Variants in NT5C2 observed in about 807,000 individuals in gnomAD.
NT5C2 encodes 5'-nucleotidase, cytosolic II.
Under a neutral mutation model 76.1 loss-of-function variants are expected in NT5C2, and 58 were observed. The observed-to-expected ratio is 0.76, with a 90% CI of 0.62 to 0.95. The LOEUF (loss-of-function observed/expected upper bound fraction) is 0.95, where lower values mean the gene tolerates loss of function less well. Among genes scored for constraint, NT5C2 ranks in the 40% least tolerant of loss-of-function variants. The pLI, the probability that NT5C2 is intolerant of heterozygous loss-of-function variation, is 0.00. For synonymous variants in NT5C2, 229 were observed against 237.4 expected, an observed-to-expected ratio of 0.96 and a Z score of 0.32; for missense variants, 478 against 690.3, an observed-to-expected ratio of 0.69 and a Z score of 3.45.
At chr10:103,106,323 C>A (rs1346430181) in intron 5 of NT5C2, among the ~76,000 whole-genome samples, 1 of 152,134 alleles carries the variant, frequency 6.6e-6, no homozygotes, top group Non-Finnish European at 1.5e-5. Context: ...TACTGCCCAT[C>A]AGTTTTAGTA....
intron 3 of NT5C2, among the ~76,000 whole-genome samples, chr10:103,168,226 A>T (rs1308612667): frequency 6.6e-6 from 1 of 152,202 alleles, no homozygotes; most frequent in Non-Finnish European, 1.5e-5. Context: ...TTAACAAAAA[A>T]TTCACAAGCC....
At chr10:103,191,171 C>A (rs1019928825) in intron 1 of NT5C2, among the ~76,000 whole-genome samples, 2 of 151,964 alleles carry the variant, frequency 1.3e-5, no homozygotes, top group African/African-American at 4.8e-5. Flanking sequence ...GCGGGCAGAT[C>A]ACCTGAGGTC....
At chr10:103,136,262 T>G (rs2079209137) in intron 4 of NT5C2, among the ~76,000 whole-genome samples, 2 of 152,216 alleles carry the variant, frequency 1.3e-5, no homozygotes, top group African/African-American at 4.8e-5. Flanking sequence ...CATGCTTAGG[T>G]TTGAATCTTG....
chr10:103,111,743 A>G, intron 4 of NT5C2: 1 of 1,231,948 alleles, frequency 8.1e-7, no homozygotes, highest in Non-Finnish European at 1.0e-6. Flanking sequence ...ATGAGAACTC[A>G]CATGAGGCAG....
intron 3 of NT5C2, among the ~76,000 whole-genome samples, chr10:103,163,897 C>T (rs1300280827): frequency 6.7e-6 from 1 of 148,550 alleles, no homozygotes; most frequent in Non-Finnish European, 1.5e-5. Context: ...TGGTGGCACA[C>T]ACCTGTAATC....
chr10:103,189,052 T>C (rs914117505), intron 1 of NT5C2, among the ~76,000 whole-genome samples: 1 of 151,294 alleles, frequency 6.6e-6, no homozygotes, highest in Non-Finnish European at 1.5e-5. Context: ...ACTATGTGCT[T>C]GGAAAGAGAA....
intron 8 of NT5C2, 151 bp downstream of exon 8, chr10:103,100,894 T>G (rs1263106585): frequency 1.4e-6 from 1 of 703,400 alleles, no homozygotes; most frequent in Non-Finnish European, 2.6e-6. Flanking sequence ...GCTGGTGCTG[T>G]CCCATCTCTC....
chr10:103,100,405 C>T (rs1301600299), intron 8 of NT5C2, among the ~76,000 whole-genome samples: 1 of 152,116 alleles, frequency 6.6e-6, no homozygotes, highest in Non-Finnish European at 1.5e-5. Context: ...TACAAAGGTA[C>T]TGTCCATTTT....
chr10:103,098,770 C>T, intron 10 of NT5C2, 161 bp downstream of exon 10: 1 of 595,084 alleles, frequency 1.7e-6, no homozygotes, highest in South Asian at 2.2e-5. Context: ...TCTACTAAGA[C>T]CTATGCTCTA....
At chr10:103,117,762 A>G (rs1304626593) in intron 4 of NT5C2, among the ~76,000 whole-genome samples, 1 of 152,240 alleles carries the variant, frequency 6.6e-6, no homozygotes, top group Non-Finnish European at 1.5e-5. Context: ...TTATTTTAAA[A>G]TTACTTTTAG....
intron 3 of NT5C2, among the ~76,000 whole-genome samples, chr10:103,153,085 TACTC>T (rs1211164973): frequency 6.6e-6 from 1 of 152,212 alleles, no homozygotes; most frequent in Non-Finnish European, 1.5e-5. Flanking sequence ...AGATTGCCCT[TACTC>T]AGTGCTGTCT....
At chr10:103,142,608 C>T (rs1460547782) in intron 3 of NT5C2, among the ~76,000 whole-genome samples, 1 of 151,846 alleles carries the variant, frequency 6.6e-6, no homozygotes, top group Non-Finnish European at 1.5e-5. Context: ...GCAGAAGTTG[C>T]AATGAGCCAA....
At chr10:103,190,726 C>A (rs1044854651) in intron 1 of NT5C2, among the ~76,000 whole-genome samples, 1 of 152,162 alleles carries the variant, frequency 6.6e-6, no homozygotes, top group Admixed American at 6.5e-5. Context: ...GCCTTTACTG[C>A]TCACGTCACT....
At chr10:103,132,930 T>C (rs1402972252) in intron 4 of NT5C2, among the ~76,000 whole-genome samples, 2 of 152,066 alleles carry the variant, frequency 1.3e-5, no homozygotes, top group African/African-American at 4.8e-5. Flanking sequence ...CACAACAATG[T>C]GAATGAATCA....
chr10:103,131,876 T>C (rs2078234128), intron 4 of NT5C2, among the ~76,000 whole-genome samples: 1 of 152,084 alleles, frequency 6.6e-6, no homozygotes, highest in Admixed American at 6.6e-5. Flanking sequence ...GAACCATGAT[T>C]GCACCACTGC....
intron 3 of NT5C2, among the ~76,000 whole-genome samples, chr10:103,140,623 G>A (rs767483491): frequency 7.2e-5 from 11 of 152,280 alleles, no homozygotes; most frequent in South Asian, 2.1e-4. Flanking sequence ...CATTTTCCAC[G>A]GTGGCTGCAT....
At chr10:103,123,982 T>TC (rs1483993513) in intron 4 of NT5C2, among the ~76,000 whole-genome samples, 2 of 152,134 alleles carry the variant, frequency 1.3e-5, no homozygotes, top group Admixed American at 6.5e-5. Flanking sequence ...TAACAACTCA[T>TC]CCCCCCACTT....
At chr10:103,119,033 T>C (rs930384170) in intron 4 of NT5C2, among the ~76,000 whole-genome samples, 1 of 152,134 alleles carries the variant, frequency 6.6e-6, no homozygotes, top group South Asian at 2.1e-4. Context: ...TAATTTTCAG[T>C]TGTATGCTTT....
chr10:103,116,928 CCT>C (rs2074497902), intron 4 of NT5C2, among the ~76,000 whole-genome samples: 1 of 151,958 alleles, frequency 6.6e-6, no homozygotes, highest in African/African-American at 2.4e-5. Context: ...AATGAGAAAA[CCT>C]GTTCTACCAA....
Sources: allele counts gnomAD v4.1 joint callset (sites outside exome capture counted in the v4.1 genomes callset), GRCh38; gene constraint gnomAD v4.1.1; transcripts MANE v1.5; gene names NCBI Gene and HGNC (gene_info 2026-07-23, HGNC 2026-07-21).